CLIC5: variants seen among roughly 807,000 people sequenced by gnomAD.
CLIC5 encodes the protein chloride intracellular channel protein 5.
In CLIC5, 20 loss-of-function variants were observed where a neutral mutation model predicts 24.7. The ratio of observed to expected loss-of-function variants is 0.81; its 90% CI spans 0.57 to 1.18. CLIC5 has a LOEUF of 1.18. CLIC5 is among the 50% of genes most tolerant of loss of function. The pLI, the probability that CLIC5 is intolerant of heterozygous loss-of-function variation, is 0.00. For synonymous variants in CLIC5, 159 were observed against 135.6 expected (o/e 1.17, Z -1.20); for missense variants, 341 against 326.1 (o/e 1.05, Z -0.35).
chr6:45,997,488 AAAACTT>A (rs1192223654), intron 1 of CLIC5, among the ~76,000 whole-genome samples: 2 of 149,140 alleles, frequency 1.3e-5, no homozygotes, highest in African/African-American at 5.0e-5. Context: ...CATGTACCCT[AAAACTT>A]AAAGTATAAT....
intron 5 of CLIC5, among the ~76,000 whole-genome samples, chr6:45,906,430 C>T (rs1392762335): frequency 2.0e-5 from 3 of 152,064 alleles, no homozygotes; most frequent in Non-Finnish European, 4.4e-5. Context: ...TTTTAACTCC[C>T]TGGTTAGATG....
intron 1 of CLIC5, among the ~76,000 whole-genome samples, chr6:46,006,293 C>T (rs903939477): frequency 9.9e-5 from 15 of 151,324 alleles, no homozygotes; most frequent in South Asian, 4.2e-4. Context: ...TACAGGCATG[C>T]GCCACCATGT....
At chr6:45,919,378 G>A (rs1039593349) in intron 4 of CLIC5, among the ~76,000 whole-genome samples, 3 of 152,106 alleles carry the variant, frequency 2.0e-5, no homozygotes, top group African/African-American at 7.2e-5. Context: ...TAACCATGGG[G>A]ATGCTGGGTG....
At chr6:46,120,208 C>G in the CLIC5 span, among the ~76,000 whole-genome samples, 1 of 152,202 alleles carries the variant, frequency 6.6e-6, no homozygotes, top group South Asian at 2.1e-4. Flanking sequence ...ACACCTCACA[C>G]GGCCGGGTAC....
At chr6:46,114,454 C>T in the CLIC5 span, among the ~76,000 whole-genome samples, 1 of 152,206 alleles carries the variant, frequency 6.6e-6, no homozygotes, top group African/African-American at 2.4e-5. Flanking sequence ...CTTTTGCCCT[C>T]TTTCCTCCTT....
the CLIC5 span, among the ~76,000 whole-genome samples, chr6:46,103,990 A>T: frequency 1.3e-5 from 2 of 152,146 alleles, no homozygotes; most frequent in African/African-American, 4.8e-5. Context: ...GGTTTTGATT[A>T]ATAGGAGAAA....
intron 4 of CLIC5, among the ~76,000 whole-genome samples, chr6:45,915,495 A>G (rs1051260204): frequency 6.6e-6 from 1 of 152,130 alleles, no homozygotes; most frequent in African/African-American, 2.4e-5. Context: ...CAGAGAAGTG[A>G]TGGGTACCAG....
rs35817917 is a variant in CLIC5, at chr6:45,898,690, G to C, written c.*4398C>G. ...AGTGTCTTTGTAAAATGAAACACTTGTTCTTTTACAAAAGCTAAGCATCTT... is the reference window on the plus strand; with the variant it reads ...AGTGTCTTTGTAAAATGAAACACTTCTTCTTTTACAAAAGCTAAGCATCTT... On this transcript the variant is annotated 3_prime_UTR_variant, in exon 6 of 6. Transcript: ENST00000339561. 4,268 of 152,728 alleles carry C rather than the reference G, an allele frequency of 0.028. 124 individuals are homozygous for C. The highest frequency in any genetic ancestry group is 0.1 in the Middle Eastern group (30 of 294). 9.5% of individuals were successfully genotyped at this position (152,728 alleles called of 1,614,324 possible).
At chr6:46,084,898 C>A (rs1354739552), upstream of CLIC5, among the ~76,000 whole-genome samples, 1 of 152,220 alleles carries the variant, frequency 6.6e-6, no homozygotes, top group Non-Finnish European at 1.5e-5. Context: ...CTCCCCGTCA[C>A]TTTCAGGTAC....
intron 1 of CLIC5, among the ~76,000 whole-genome samples, chr6:45,962,918 A>T (rs1160095886): frequency 6.6e-6 from 1 of 152,154 alleles, no homozygotes; most frequent in Non-Finnish European, 1.5e-5. Context: ...CTTGAGCTTT[A>T]CGTCCATCTG....
At chr6:45,953,833 G>A (rs1457063326) in intron 2 of CLIC5, among the ~76,000 whole-genome samples, 1 of 152,154 alleles carries the variant, frequency 6.6e-6, no homozygotes, top group Non-Finnish European at 1.5e-5. Context: ...GGGTGGCAGT[G>A]GTGAGACTTG....
the CLIC5 span, among the ~76,000 whole-genome samples, chr6:46,116,976 C>T: frequency 6.6e-6 from 1 of 152,158 alleles, no homozygotes; most frequent in Non-Finnish European, 1.5e-5. Context: ...GTTGTGAAAA[C>T]CAAGTAAGAC....
chr6:46,045,734 A>C (rs890666364), intron 1 of CLIC5, among the ~76,000 whole-genome samples: 5 of 152,158 alleles, frequency 3.3e-5, no homozygotes, highest in African/African-American at 1.2e-4. Flanking sequence ...TTTTAAATTT[A>C]GTAAATTATT....
intron 4 of CLIC5, among the ~76,000 whole-genome samples, chr6:45,926,178 TATACACACACACAC>T (rs1194891975): frequency 4.0e-5 from 6 of 151,370 alleles, no homozygotes; most frequent in Non-Finnish European, 8.8e-5. Flanking sequence ...GAGAAACATA[TATACACACACACAC>T]ATACACACAC....
intron 4 of CLIC5, among the ~76,000 whole-genome samples, chr6:45,924,882 G>A (rs9349336): frequency 0.28 from 42,868 of 151,906 alleles, 6,465 homozygotes; most frequent in East Asian, 0.47. Flanking sequence ...AAGAGATATC[G>A]GTAGAAATTA....
At chr6:45,939,573 A>G (rs1163155748) in intron 4 of CLIC5, among the ~76,000 whole-genome samples, 2 of 152,028 alleles carry the variant, frequency 1.3e-5, no homozygotes, top group African/African-American at 4.8e-5. Flanking sequence ...CAAATCCTTA[A>G]CTAATTACAG....
intron 1 of CLIC5, among the ~76,000 whole-genome samples, chr6:45,958,451 T>C (rs1326216989): frequency 0.38 from 8,161 of 21,534 alleles, 1,415 homozygotes; most frequent in African/African-American, 0.49. Context: ...TATATATATA[T>C]ATATATATAT....
chr6:46,000,001 C>T lies in CLIC5; in HGVS notation c.63+15479G>A, dbSNP rs560942527. Among the ~76,000 whole-genome samples, 217 of 26,250 alleles carry T rather than the reference C, an allele frequency of 8.3e-3. 62 individuals are homozygous for T. Among genetic ancestry groups the T allele is most frequent in the Non-Finnish European group, 0.013 (174 of 13,846 alleles). The allele number at this position is 26,250 out of a possible 152,430, so 17.2% of individuals were successfully genotyped here. On this transcript the variant is annotated intron_variant, in intron 1 of 5. Coordinates refer to ENST00000339561, the MANE Select transcript of CLIC5 (RefSeq NM_016929.5). ...TCCTGACCTCATGATCCACCCGCCT[C>T]GGCCTCCCAAAGTGCTGGGATTACA...
chr6:46,008,025 T>C (rs1024527915), intron 1 of CLIC5, among the ~76,000 whole-genome samples: 1 of 151,750 alleles, frequency 6.6e-6, no homozygotes, highest in African/African-American at 2.4e-5. Context: ...AGGGTATCCA[T>C]CATACTTTGA....
Sources: gnomAD v4.1 joint callset for allele counts (sites outside exome capture counted in the v4.1 genomes callset) on GRCh38, gnomAD v4.1.1 for gene constraint, MANE v1.5 for transcripts, NCBI Gene and HGNC (gene_info 2026-07-23, HGNC 2026-07-21) for gene names.